Variants in USH2A observed in about 807,000 individuals in gnomAD.
USH2A encodes Usher syndrome 2A (autosomal recessive, mild).
A neutral mutation model predicts 538.9 loss-of-function variants in USH2A; 443 were observed. That is an observed-to-expected ratio of 0.82 (90% confidence interval 0.76 to 0.89). The LOEUF is 0.89. Among genes scored for constraint, USH2A ranks in the 40% least tolerant of loss-of-function variants. USH2A has a pLI of 0.00. For missense variants in USH2A, 6,633 were observed against 6,324.8 expected, an observed-to-expected ratio of 1.05 and a Z score of -1.65; for synonymous variants, 2,413 against 2,273.5, an observed-to-expected ratio of 1.06 and a Z score of -1.75.
intron 11 of USH2A, among the ~76,000 whole-genome samples, chr1:216,275,170 T>A (rs1281033167): frequency 6.6e-6 from 1 of 151,988 alleles, no homozygotes; most frequent in African/African-American, 2.4e-5. Flanking sequence ...ATGGTTTAGG[T>A]CTATTTCGCT....
chr1:216,356,652 C>A (rs1227310628), intron 4 of USH2A, among the ~76,000 whole-genome samples: 1 of 152,040 alleles, frequency 6.6e-6, no homozygotes, highest in Non-Finnish European at 1.5e-5. Flanking sequence ...AGACATATTT[C>A]ATTCCTCTTG....
intron 56 of USH2A, among the ~76,000 whole-genome samples, chr1:215,760,189 G>A (rs543739163): frequency 1.3e-5 from 2 of 152,136 alleles, no homozygotes; most frequent in African/African-American, 2.4e-5. Flanking sequence ...AAGCATAATC[G>A]AGTATGTACC....
At chr1:215,847,475 TC>T (rs1318060480) in intron 44 of USH2A, among the ~76,000 whole-genome samples, 1 of 151,706 alleles carries the variant, frequency 6.6e-6, no homozygotes, top group East Asian at 1.9e-4. Context: ...CAATACCCCA[TC>T]TCTACATGAA....
At chr1:216,188,723 G>C (rs550290987) in intron 20 of USH2A, among the ~76,000 whole-genome samples, 11 of 151,842 alleles carry the variant, frequency 7.2e-5, no homozygotes, top group Non-Finnish European at 1.6e-4. Flanking sequence ...ATGAACACTT[G>C]GGGGAATATT....
At chr1:216,141,601 C>A (rs2033605474) in intron 21 of USH2A, among the ~76,000 whole-genome samples, 1 of 152,174 alleles carries the variant, frequency 6.6e-6, no homozygotes, top group South Asian at 2.1e-4. Flanking sequence ...AGCTACCTTG[C>A]TTTGCTGGGA....
rs143336542 is a variant in USH2A at position 216,370,188 on chromosome 1, G to A, written c.652-5103C>T. On this transcript the variant is annotated intron_variant, in intron 3 of 71. Transcript: ENST00000307340. ...AGCCTGGCCAACATGGCGAAACTCCGTCTCTACTAAAAATACAAAAAAATT... is the reference window on the plus strand; with the variant it reads ...AGCCTGGCCAACATGGCGAAACTCCATCTCTACTAAAAATACAAAAAAATT... 7.3e-3 allele frequency among the ~76,000 whole-genome samples: 1,112 copies of A among 151,724 alleles called. 10 individuals are homozygous for A. The highest frequency in any genetic ancestry group is 0.035 in the East Asian group (177 of 5,058).
At chr1:216,404,618 CTT>C (rs375562284) in intron 3 of USH2A, among the ~76,000 whole-genome samples, 14 of 110,034 alleles carry the variant, frequency 1.3e-4, no homozygotes, top group South Asian at 3.4e-4. Flanking sequence ...GAAACATAGG[CTT>C]TTTTTTTTTT....
At chr1:216,378,312 T>C (rs930680470) in intron 3 of USH2A, among the ~76,000 whole-genome samples, 3 of 152,308 alleles carry the variant, frequency 2.0e-5, no homozygotes, top group East Asian at 1.9e-4. Flanking sequence ...GATCTTTCAT[T>C]GGTACTTTAC....
At chr1:215,993,242 C>T (rs1220061763) in intron 34 of USH2A, 75 bp from the exon 35 acceptor site, 2 of 1,609,348 alleles carry the variant, frequency 1.2e-6, no homozygotes, top group Non-Finnish European at 1.7e-6. Flanking sequence ...AAAGAGAATT[C>T]ATAATAAGAG....
At chr1:215,663,986 GAGGGAC>G (rs1216271784) in intron 64 of USH2A, among the ~76,000 whole-genome samples, 1 of 152,122 alleles carries the variant, frequency 6.6e-6, no homozygotes, top group Non-Finnish European at 1.5e-5. Context: ...ATGGGGCAAG[GAGGGAC>G]AGAATGAATG....
intron 55 of USH2A, among the ~76,000 whole-genome samples, chr1:215,775,498 C>T (rs1371814466): frequency 2.0e-5 from 3 of 152,226 alleles, no homozygotes; most frequent in African/African-American, 7.2e-5. Flanking sequence ...GTACCAGGAA[C>T]ACAATGGCAA....
chr1:215,696,084 C>T (rs1347672605), intron 61 of USH2A, among the ~76,000 whole-genome samples: 1 of 152,092 alleles, frequency 6.6e-6, no homozygotes, highest in Non-Finnish European at 1.5e-5. Context: ...AACTTAACTA[C>T]TAACAGGATA....
intron 67 of USH2A, among the ~76,000 whole-genome samples, chr1:215,640,982 C>A (rs1366293340): frequency 2.0e-5 from 3 of 151,870 alleles, no homozygotes; most frequent in Non-Finnish European, 4.4e-5. Context: ...AACTTTATGC[C>A]TGCTTTAAAA....
chr1:215,778,127 C>T (rs1244956986), intron 55 of USH2A, among the ~76,000 whole-genome samples: 2 of 151,502 alleles, frequency 1.3e-5, no homozygotes, highest in Non-Finnish European at 2.9e-5. Flanking sequence ...TCTCAGCTCA[C>T]TGCAACCTCT....
chr1:216,184,479 T>G (rs114330321), intron 20 of USH2A, among the ~76,000 whole-genome samples: 201 of 152,104 alleles, frequency 1.3e-3, no homozygotes, highest in African/African-American at 4.5e-3. Context: ...CATGCCACAT[T>G]TGCATGATAA....
At chr1:216,083,423 T>G (rs1234148437) in intron 26 of USH2A, 33 bp downstream of exon 26, 6 of 1,603,566 alleles carry the variant, frequency 3.7e-6, no homozygotes, top group Non-Finnish European at 4.3e-6. Flanking sequence ...GTCCTATATT[T>G]TAAAGTAATT....
chr1:215,743,206 T>C lies in USH2A; in HGVS notation c.11519A>G (p.Tyr3840Cys), dbSNP rs1660354488. The change falls in exon 59 of 72, where the codon TAT becomes TGT. Residue 3840 changes from tyrosine to cysteine, a missense_variant. Tyr to Cys is a radical substitution (Grantham distance 194, BLOSUM62 -2). Coordinates refer to ENST00000307340, the MANE Select transcript of USH2A (RefSeq NM_206933.4). ...TTGACATGCTTGTATCCTTATCTCA[T>C]ACTGTGTGAATGGAGTCAAATTTTC... ...LLENLTPFTQ[Y>C]EIRIQACQNG... 1 of 1,611,800 alleles carries C rather than the reference T, an allele frequency of 6.2e-7. No individual in the cohort carries two copies. Among genetic ancestry groups the C allele is most frequent in the Non-Finnish European group, 8.5e-7 (1 of 1,178,958 alleles).
At chr1:215,635,242 T>G (rs972053887) in intron 69 of USH2A, among the ~76,000 whole-genome samples, 1 of 152,184 alleles carries the variant, frequency 6.6e-6, no homozygotes, top group Non-Finnish European at 1.5e-5. Context: ...CATTATGATA[T>G]TAACAGCCTG....
chr1:216,273,572 T>A (rs951651349), intron 11 of USH2A, among the ~76,000 whole-genome samples: 4 of 152,110 alleles, frequency 2.6e-5, no homozygotes, highest in African/African-American at 9.7e-5. Flanking sequence ...CGTGAGTGTT[T>A]CTGTTATTCA....
Sources: allele counts gnomAD v4.1 joint callset (sites outside exome capture counted in the v4.1 genomes callset), GRCh38; gene constraint gnomAD v4.1.1; transcripts MANE v1.5; gene names NCBI Gene and HGNC (gene_info 2026-07-23, HGNC 2026-07-21).